DPYD: variants seen among roughly 807,000 people sequenced by gnomAD.
The protein encoded by DPYD is dihydropyrimidine dehydrogenase, also known as dihydropyrimidine dehydrogenase [NADP(+)].
A neutral mutation model predicts 116.2 loss-of-function variants in DPYD; 109 were observed. The ratio of observed to expected loss-of-function variants is 0.94; its 90% CI spans 0.80 to 1.10. DPYD has a LOEUF of 1.10. Among genes scored for constraint, DPYD ranks in the 50% least tolerant of loss-of-function variants. The pLI is 0.00. For missense variants in DPYD, 1,302 were observed against 1,254.5 expected, an observed-to-expected ratio of 1.04 and a Z score of -0.57; for synonymous variants, 440 against 432.0, an observed-to-expected ratio of 1.02 and a Z score of -0.23.
At chr1:97,716,514 G>A (rs1042560601) in intron 5 of DPYD, among the ~76,000 whole-genome samples, 9 of 151,932 alleles carry the variant, frequency 5.9e-5, no homozygotes, top group Non-Finnish European at 1.0e-4. Context: ...TATAAAATCA[G>A]AGTTATTACA....
At chr1:97,874,431 C>G (rs985369571) in intron 2 of DPYD, among the ~76,000 whole-genome samples, 3 of 151,842 alleles carry the variant, frequency 2.0e-5, no homozygotes, top group Non-Finnish European at 4.4e-5. Context: ...AATTTACTTG[C>G]AGAACTAGGT....
At chr1:97,768,513 A>T (rs1242572866) in intron 3 of DPYD, among the ~76,000 whole-genome samples, 2 of 152,218 alleles carry the variant, frequency 1.3e-5, no homozygotes, top group African/African-American at 4.8e-5. Context: ...TAGAAGATAC[A>T]TTAAGATCTG....
chr1:97,505,771 T>C (rs1374143145), intron 13 of DPYD, among the ~76,000 whole-genome samples: 1 of 152,008 alleles, frequency 6.6e-6, no homozygotes, highest in African/African-American at 2.4e-5. Flanking sequence ...AATGGTACTT[T>C]CTTTAATGAC....
intron 20 of DPYD, among the ~76,000 whole-genome samples, chr1:97,172,287 T>A (rs1162912911): frequency 1.3e-5 from 2 of 152,148 alleles, no homozygotes; most frequent in Non-Finnish European, 2.9e-5. Context: ...ATCAACAGTA[T>A]TTTTTGTCAT....
chr1:97,163,364 T>C (rs1038042425), intron 20 of DPYD, among the ~76,000 whole-genome samples: 14 of 152,286 alleles, frequency 9.2e-5, no homozygotes, highest in Admixed American at 6.5e-4. Context: ...AAACTATATG[T>C]AGTTGAGGTG....
chr1:97,544,519 A>G (rs913047793), intron 12 of DPYD, among the ~76,000 whole-genome samples: 6 of 152,312 alleles, frequency 3.9e-5, no homozygotes, highest in African/African-American at 1.4e-4. Flanking sequence ...TGTTTTCTTC[A>G]TTATAGCTAA....
chr1:97,225,003 G>GTCTGTCTA (rs906853969), intron 19 of DPYD, among the ~76,000 whole-genome samples: 27 of 127,156 alleles, frequency 2.1e-4, no homozygotes, highest in East Asian at 1.0e-3. Flanking sequence ...CTGTCTGTCT[G>GTCTGTCTA]TCTATCTATC....
rs1672212013 is a variant in DPYD at position 97,384,639 on chromosome 1, G to GT, written c.1906-2179_1906-2178insA. The stretch of plus-strand genomic sequence containing the variant: ...TGCTGGCGATTATATGAGTAAGAGT[G>GT]AAGAGTGATTAGGGCTGATGAAGGT... On this transcript the variant is annotated intron_variant, in intron 14 of 22. Coordinates refer to ENST00000370192, the MANE Select transcript of DPYD (RefSeq NM_000110.4). Among the ~76,000 whole-genome samples, 4 of 152,224 alleles carry GT rather than the reference G, an allele frequency of 2.6e-5. No homozygotes were observed. The South Asian group carries it at 8.3e-4, about 32-fold the overall frequency.
intron 14 of DPYD, among the ~76,000 whole-genome samples, chr1:97,443,597 C>T (rs1037051881): frequency 2.6e-5 from 4 of 152,200 alleles, no homozygotes; most frequent in African/African-American, 9.6e-5. Context: ...ACTTACATTT[C>T]TCTTTGTGAA....
chr1:97,449,914 ATCTT>A, intron 14 of DPYD, 141 bp downstream of exon 14: 2 of 1,038,834 alleles, frequency 1.9e-6, no homozygotes, highest in South Asian at 3.1e-5. Flanking sequence ...TTTCTTTTTT[ATCTT>A]TCTATGCATC....
At chr1:97,640,359 A>G in intron 8 of DPYD, among the ~76,000 whole-genome samples, 1 of 151,794 alleles carries the variant, frequency 6.6e-6, no homozygotes, top group East Asian at 1.9e-4. Context: ...CTCAGGCTGG[A>G]GTGCAATGGC....
At chr1:97,608,097 A>G (rs1046239036) in intron 8 of DPYD, among the ~76,000 whole-genome samples, 10 of 151,918 alleles carry the variant, frequency 6.6e-5, no homozygotes, top group African/African-American at 2.4e-4. Flanking sequence ...GCAATGTTGG[A>G]CAAGTATGAA....
intron 22 of DPYD, among the ~76,000 whole-genome samples, chr1:97,080,299 G>C (rs1478468643): frequency 2.6e-5 from 4 of 151,794 alleles, no homozygotes; most frequent in African/African-American, 9.7e-5. Flanking sequence ...ACATTTTCAA[G>C]GAATTGCATT....
intron 1 of DPYD, among the ~76,000 whole-genome samples, chr1:97,912,726 G>T (rs1467100275): frequency 6.6e-6 from 1 of 152,130 alleles, no homozygotes; most frequent in Non-Finnish European, 1.5e-5. Flanking sequence ...AAAGTTAACA[G>T]GAATGAACAT....
At chr1:97,265,906 C>A (rs1306879620) in intron 18 of DPYD, among the ~76,000 whole-genome samples, 3 of 152,078 alleles carry the variant, frequency 2.0e-5, no homozygotes, top group African/African-American at 7.2e-5. Context: ...AAATTTGATT[C>A]CTTTACTCAG....
intron 16 of DPYD, among the ~76,000 whole-genome samples, chr1:97,329,955 T>C (rs1452191162): frequency 6.6e-6 from 1 of 151,612 alleles, no homozygotes; most frequent in Non-Finnish European, 1.5e-5. Flanking sequence ...TTATTTCTGG[T>C]CACTTCTAGA....
chr1:97,709,937 G>C (rs1473011174), intron 5 of DPYD, among the ~76,000 whole-genome samples: 1 of 151,702 alleles, frequency 6.6e-6, no homozygotes, highest in Non-Finnish European at 1.5e-5. Flanking sequence ...GAAGTCATGA[G>C]AAGTAAAATA....
chr1:97,529,751 C>T (rs1377230779), intron 12 of DPYD, among the ~76,000 whole-genome samples: 4 of 133,946 alleles, frequency 3.0e-5, no homozygotes, highest in African/African-American at 8.7e-5. Flanking sequence ...TCTTTCCCTT[C>T]CTTTCTTTCT....
chr1:97,692,331 G>C (rs1212306193), intron 6 of DPYD, among the ~76,000 whole-genome samples: 1 of 151,536 alleles, frequency 6.6e-6, no homozygotes, highest in Non-Finnish European at 1.5e-5. Flanking sequence ...GTGATCTATA[G>C]AACATTTTAG....
Sources: gnomAD v4.1 joint callset for allele counts (sites outside exome capture counted in the v4.1 genomes callset) on GRCh38, gnomAD v4.1.1 for gene constraint, MANE v1.5 for transcripts, NCBI Gene and HGNC (gene_info 2026-07-23, HGNC 2026-07-21) for gene names.